MRTFA: variants seen among roughly 807,000 people sequenced by gnomAD.
MRTFA encodes myocardin-related transcription factor A.
Under a neutral mutation model 83.5 loss-of-function variants are expected in MRTFA, and 20 were observed. That is an observed-to-expected ratio of 0.24 (90% confidence interval 0.17 to 0.35). The LOEUF (loss-of-function observed/expected upper bound fraction) is 0.35, where lower values mean the gene tolerates loss of function less well. Among genes scored for constraint, MRTFA ranks in the 10% least tolerant of loss-of-function variants. The pLI, the probability that MRTFA is intolerant of heterozygous loss-of-function variation, is 1.00. For missense variants in MRTFA, 1,200 were observed against 1,224.7 expected (o/e 0.98, Z 0.30); for synonymous variants, 659 against 541.2 (o/e 1.22, Z -3.02).
At chr22:40,471,369 C>T (rs770155395) in intron 3 of MRTFA, among the ~76,000 whole-genome samples, 9 of 151,934 alleles carry the variant, frequency 5.9e-5, no homozygotes, top group Non-Finnish European at 1.2e-4. Flanking sequence ...TGCCACTGCA[C>T]TCCAGCCTGA....
chr22:40,520,170 C>T (rs953388846), intron 3 of MRTFA, among the ~76,000 whole-genome samples: 2 of 152,148 alleles, frequency 1.3e-5, no homozygotes, highest in Admixed American at 6.5e-5. Context: ...TTTTTTTCCT[C>T]ACACAATTTA....
chr22:40,499,484 T>A lies in MRTFA; in HGVS notation c.242-36198A>T, dbSNP rs369769621. ...CAAGATAAAAGGAGAGTTTCCTAAC[T>A]GGCTGTAACTTGAGTAATTATGCCT... On this transcript the variant is annotated intron_variant, in intron 3 of 14. Transcript: ENST00000355630. Among the ~76,000 whole-genome samples the A allele has an allele frequency of 3.3e-4, 50 of 152,326 alleles. No individual in the cohort carries two copies. The East Asian group carries it at 5.6e-3, about 17-fold the overall frequency.
chr22:40,572,741 T>C (rs1451531315), intron 2 of MRTFA, among the ~76,000 whole-genome samples: 1 of 152,188 alleles, frequency 6.6e-6, no homozygotes, highest in Non-Finnish European at 1.5e-5. Flanking sequence ...CTTACATGGA[T>C]GGCAGCAGGC....
intron 3 of MRTFA, among the ~76,000 whole-genome samples, chr22:40,482,084 G>C (rs922317948): frequency 2.0e-5 from 3 of 151,756 alleles, no homozygotes; most frequent in African/African-American, 7.3e-5. Flanking sequence ...AAGAAATGAG[G>C]ACTCTAATGT....
rs768876636 is a variant in MRTFA, at chr22:40,417,485, G to A, written c.2373C>T (p.Ser791=). 3.2e-6 allele frequency: 5 copies of A among 1,571,070 alleles called. No individual in the cohort carries two copies. The highest frequency in any genetic ancestry group is 4.3e-6 in the Non-Finnish European group (5 of 1,157,782). The change falls in exon 13 of 15, where the codon TCC becomes TCT. Residue 791 remains serine (S), a synonymous_variant. Transcript: ENST00000355630. ...GGGCAGGCGCTGGAGAGCCAGGCTG[G>A]GACGAGGGCTGGACAGGAGAGCAGG...
chr22:40,606,224 G>C (rs936902309), intron 1 of MRTFA, among the ~76,000 whole-genome samples: 32 of 152,206 alleles, frequency 2.1e-4, no homozygotes, highest in African/African-American at 7.2e-4. Context: ...ATTTCTAGTA[G>C]TGTTTGTAAT....
At chr22:40,454,929 T>C (rs912735245) in intron 4 of MRTFA, among the ~76,000 whole-genome samples, 13 of 152,330 alleles carry the variant, frequency 8.5e-5, no homozygotes, top group African/African-American at 2.9e-4. Flanking sequence ...GCCTACTAAG[T>C]TGCTAAGGCC....
intron 2 of MRTFA, among the ~76,000 whole-genome samples, chr22:40,575,843 A>C (rs1330887355): frequency 3.3e-5 from 5 of 152,170 alleles, no homozygotes; most frequent in Admixed American, 2.6e-4. Flanking sequence ...CGATGAGTAT[A>C]ACAACAACTC....
At position 40,411,284 on chromosome 22, in the gene MRTFA, T is replaced by C; in HGVS notation, c.*106A>G. 1 of 1,223,772 alleles carries C rather than the reference T, an allele frequency of 8.2e-7. No homozygotes were observed. Among genetic ancestry groups the C allele is most frequent in the Non-Finnish European group, 1.1e-6 (1 of 889,168 alleles). 75.8% of individuals were successfully genotyped at this position (1,223,772 alleles called of 1,614,324 possible). A position where few individuals can be genotyped will look rare whatever the true frequency, so the allele number is the denominator to read the frequency against. ...GGAAGGGAAAAAGCAGGGGCTGTGA[T>C]TGTCAAGACTCACAACCATGTGGAG... On this transcript the variant is annotated 3_prime_UTR_variant, in exon 15 of 15. Transcript: ENST00000355630.
At chr22:40,525,690 C>G (rs374794824) in intron 3 of MRTFA, among the ~76,000 whole-genome samples, 12 of 152,172 alleles carry the variant, frequency 7.9e-5, no homozygotes, top group Middle Eastern at 3.4e-3. Flanking sequence ...TACTGTAGTG[C>G]CTCTTCAGTT....
intron 1 of MRTFA, among the ~76,000 whole-genome samples, chr22:40,620,103 G>GC (rs893407178): frequency 1.7e-4 from 26 of 149,354 alleles, no homozygotes; most frequent in Non-Finnish European, 3.9e-4. Flanking sequence ...GACTACAGAC[G>GC]CATACCACCA....
intron 4 of MRTFA, among the ~76,000 whole-genome samples, chr22:40,455,264 C>G (rs1569274394): frequency 6.6e-6 from 1 of 152,154 alleles, no homozygotes; most frequent in Non-Finnish European, 1.5e-5. Context: ...AATGGTTAGT[C>G]TTATAGAAAT....
chr22:40,602,472 A>G lies in MRTFA; in HGVS notation c.-83-7737T>C, dbSNP rs140860622. On this transcript the variant is annotated intron_variant, in intron 1 of 14. Transcript: ENST00000355630. Reference sequence around the variant, plus strand: ...CAGAAGAATCGTGGTGATTCAGGATAAAGAGAAAGTAAGGCTGCAGTCACA... The same window carrying G: ...CAGAAGAATCGTGGTGATTCAGGATGAAGAGAAAGTAAGGCTGCAGTCACA... 2.9e-3 allele frequency among the ~76,000 whole-genome samples: 436 copies of G among 152,268 alleles called. 1 individual carries two copies. The highest frequency in any genetic ancestry group is 0.01 in the African/African-American group (416 of 41,540).
chr22:40,510,195 A>G (rs1267283502), intron 3 of MRTFA, among the ~76,000 whole-genome samples: 1 of 152,180 alleles, frequency 6.6e-6, no homozygotes, highest in East Asian at 1.9e-4. Flanking sequence ...TACAATAACT[A>G]GGACAACTAA....
intron 2 of MRTFA, among the ~76,000 whole-genome samples, chr22:40,582,946 G>A (rs1183642999): frequency 6.6e-6 from 1 of 152,174 alleles, no homozygotes; most frequent in Non-Finnish European, 1.5e-5. Context: ...AGTGCCCTCA[G>A]GTACTGCAAT....
chr22:40,423,501 G>A (rs2052886499), intron 9 of MRTFA, 35 bp downstream of exon 9: 1 of 1,445,350 alleles, frequency 6.9e-7, no homozygotes, highest in Non-Finnish European at 9.2e-7. Context: ...AAGGGCACAG[G>A]GAAGGGGAGG....
rs1294644984 is a variant in MRTFA, at chr22:40,552,357, G to A, written c.-11C>T. The A allele has an allele frequency of 2.0e-5, 8 of 398,822 alleles. No individual in the cohort carries two copies. Among genetic ancestry groups the A allele is most frequent in the Admixed American group, 8.8e-5 (2 of 22,712 alleles). 24.7% of individuals were successfully genotyped at this position (398,822 alleles called of 1,614,324 possible). On this transcript the variant is annotated 5_prime_UTR_variant, in exon 3 of 15. The change creates a new upstream start codon in the 5' untranslated region. Transcript: ENST00000355630. ...ACTGGAGAAATCCACTTTGGCTTTC[G>A]TGATGGCAATCTGGAAATGGAAGAA...
intron 3 of MRTFA, among the ~76,000 whole-genome samples, chr22:40,496,560 T>A (rs1420734702): frequency 2.1e-5 from 3 of 144,332 alleles, no homozygotes; most frequent in Non-Finnish European, 3.0e-5. Context: ...TCCAGCAAGA[T>A]CCATAATAAA....
chr22:40,598,175 AT>A (rs2056215008), intron 1 of MRTFA, among the ~76,000 whole-genome samples: 1 of 152,046 alleles, frequency 6.6e-6, no homozygotes, highest in Non-Finnish European at 1.5e-5. Context: ...AGACAATGTT[AT>A]TTTTTGGTGG....
Sources: allele counts gnomAD v4.1 joint callset (sites outside exome capture counted in the v4.1 genomes callset), GRCh38; gene constraint gnomAD v4.1.1; transcripts MANE v1.5; gene names NCBI Gene and HGNC (gene_info 2026-07-23, HGNC 2026-07-21).